Variants in INPP4B observed in about 807,000 individuals in gnomAD.
The protein encoded by INPP4B is inositol polyphosphate-4-phosphatase type II B.
Under a neutral mutation model 122.5 loss-of-function variants are expected in INPP4B, and 55 were observed. The observed-to-expected ratio is 0.45, with a 90% CI of 0.36 to 0.56. The LOEUF (loss-of-function observed/expected upper bound fraction) is 0.56, where lower values mean the gene tolerates loss of function less well. Ranked by LOEUF, INPP4B falls within the 20% of genes least tolerant of loss-of-function variation. The probability of loss-of-function intolerance (pLI) is 0.00; values close to 1 mark genes in which losing one functional copy is unlikely to be tolerated. For synonymous variants in INPP4B, 403 were observed against 388.7 expected (o/e 1.04, Z -0.43); for missense variants, 1,000 against 1,097.7 (o/e 0.91, Z 1.26).
chr4:142,129,590 G>T (rs114763528), intron 18 of INPP4B, among the ~76,000 whole-genome samples: 1,568 of 152,176 alleles, frequency 0.01, 30 homozygotes, highest in African/African-American at 0.036. Flanking sequence ...TATCCTAGGG[G>T]CACAGGGCCT....
intron 2 of INPP4B, among the ~76,000 whole-genome samples, chr4:142,533,286 C>A (rs978284462): frequency 1.3e-5 from 2 of 152,060 alleles, no homozygotes; most frequent in African/African-American, 4.8e-5. Flanking sequence ...AAGACAGAGT[C>A]TACTCTGCCA....
intron 10 of INPP4B, among the ~76,000 whole-genome samples, chr4:142,265,695 A>G (rs938482614): frequency 1.3e-5 from 2 of 152,240 alleles, no homozygotes; most frequent in Non-Finnish European, 2.9e-5. Flanking sequence ...TAATCCAGAC[A>G]GGGCAGAGCT....
intron 12 of INPP4B, among the ~76,000 whole-genome samples, chr4:142,209,907 G>GT (rs1844196080): frequency 6.6e-6 from 1 of 150,494 alleles, no homozygotes; most frequent in Non-Finnish European, 1.5e-5. Flanking sequence ...TACTGTATGT[G>GT]TATGCGTTGC....
chr4:142,802,167 T>A (rs1460187818), intron 1 of INPP4B, among the ~76,000 whole-genome samples: 1 of 151,990 alleles, frequency 6.6e-6, no homozygotes, highest in African/African-American at 2.4e-5. Context: ...CTCCACCACA[T>A]CTCTTCCTGC....
intron 11 of INPP4B, among the ~76,000 whole-genome samples, chr4:142,238,790 T>C (rs1321180381): frequency 6.6e-6 from 1 of 152,136 alleles, no homozygotes; most frequent in African/African-American, 2.4e-5. Flanking sequence ...TAACATTTGA[T>C]ACTTATTAGT....
At chr4:142,637,563 T>C (rs907507383) in intron 2 of INPP4B, among the ~76,000 whole-genome samples, 1 of 152,236 alleles carries the variant, frequency 6.6e-6, no homozygotes, top group South Asian at 2.1e-4. Flanking sequence ...TATTCCATTG[T>C]CTGAATATGC....
intron 6 of INPP4B, 90 bp from the exon 7 acceptor site, chr4:142,403,144 T>G: frequency 1.3e-6 from 1 of 745,234 alleles, no homozygotes; most frequent in Non-Finnish European, 2.4e-6. Flanking sequence ...GCAGAAAGTG[T>G]GCCTGAGTCT....
At chr4:142,757,727 A>ATAAATC (rs55728137) in intron 1 of INPP4B, among the ~76,000 whole-genome samples, 68,244 of 151,458 alleles carry the variant, frequency 0.45, 16,886 homozygotes, top group African/African-American at 0.67. Context: ...GCAATTATGA[A>ATAAATC]TATAAACATC....
intron 1 of INPP4B, among the ~76,000 whole-genome samples, chr4:142,728,104 G>A (rs1318686209): frequency 6.6e-6 from 1 of 152,186 alleles, no homozygotes; most frequent in Non-Finnish European, 1.5e-5. Context: ...TGCCCATTGG[G>A]AGTCTTCTCA....
At chr4:142,074,178 T>G (rs545772335) in intron 25 of INPP4B, among the ~76,000 whole-genome samples, 1 of 152,252 alleles carries the variant, frequency 6.6e-6, no homozygotes, top group Admixed American at 6.5e-5. Context: ...AAATGTAACT[T>G]AAACACAACA....
intron 1 of INPP4B, among the ~76,000 whole-genome samples, chr4:142,839,878 C>T (rs929434697): frequency 1.3e-5 from 2 of 152,306 alleles, no homozygotes; most frequent in South Asian, 2.1e-4. Flanking sequence ...AACTTAATTT[C>T]TTTGTTCTCC....
At chr4:142,419,129 C>T (rs1806356385) in intron 5 of INPP4B, among the ~76,000 whole-genome samples, 1 of 151,918 alleles carries the variant, frequency 6.6e-6, no homozygotes. Context: ...AGATAGATAC[C>T]ATGGGGGAAT....
chr4:142,528,765 T>TTA (rs1162587979), intron 2 of INPP4B, among the ~76,000 whole-genome samples: 2 of 152,224 alleles, frequency 1.3e-5, no homozygotes, highest in South Asian at 2.1e-4. Context: ...GCTGCTCTTC[T>TTA]TATTTAAACC....
chr4:142,348,622 T>C (rs565163849), intron 7 of INPP4B, among the ~76,000 whole-genome samples: 3 of 152,156 alleles, frequency 2.0e-5, no homozygotes, highest in African/African-American at 7.2e-5. Context: ...AAGAACTTCT[T>C]TCTCAATAAG....
chr4:142,062,426 A>G (rs1297659044), intron 25 of INPP4B, among the ~76,000 whole-genome samples: 1 of 152,124 alleles, frequency 6.6e-6, no homozygotes, highest in Non-Finnish European at 1.5e-5. Flanking sequence ...AACAATATCC[A>G]GATTAAAAAA....
chr4:142,439,624 G>C (rs750851042), intron 3 of INPP4B, among the ~76,000 whole-genome samples: 35 of 152,274 alleles, frequency 2.3e-4, no homozygotes, highest in Non-Finnish European at 4.0e-4. Flanking sequence ...AAAGTCAAGA[G>C]TTTAATCAAT....
At chr4:142,671,206 C>T (rs564020502) in intron 2 of INPP4B, among the ~76,000 whole-genome samples, 4 of 152,030 alleles carry the variant, frequency 2.6e-5, no homozygotes, top group Non-Finnish European at 5.9e-5. Context: ...TTCTCTTGAA[C>T]CATATAAATC....
chr4:142,031,334 T>G (rs1739914489), intron 25 of INPP4B, among the ~76,000 whole-genome samples: 1 of 152,196 alleles, frequency 6.6e-6, no homozygotes, highest in Admixed American at 6.5e-5. Flanking sequence ...CTAACGAAGC[T>G]CCTTAGCCAT....
At chr4:142,461,717 C>T (rs148731110) in intron 3 of INPP4B, among the ~76,000 whole-genome samples, 33 of 152,130 alleles carry the variant, frequency 2.2e-4, no homozygotes, top group African/African-American at 6.7e-4. Flanking sequence ...ATGCATATTC[C>T]GAAGAGGTAA....
Sources: gnomAD v4.1 joint callset for allele counts (sites outside exome capture counted in the v4.1 genomes callset) on GRCh38, gnomAD v4.1.1 for gene constraint, MANE v1.5 for transcripts, NCBI Gene and HGNC (gene_info 2026-07-23, HGNC 2026-07-21) for gene names.